XRCC4: variants seen among roughly 807,000 people sequenced by gnomAD.
XRCC4 encodes DNA repair protein XRCC4.
A neutral mutation model predicts 39.1 loss-of-function variants in XRCC4; 28 were observed. That is an observed-to-expected ratio of 0.72 (90% confidence interval 0.53 to 0.98). The LOEUF (loss-of-function observed/expected upper bound fraction) is 0.98. XRCC4 is among the 50% of genes least tolerant of loss of function. XRCC4 has a pLI of 0.00. For missense variants in XRCC4, 350 were observed against 376.4 expected (o/e 0.93, Z 0.58); for synonymous variants, 123 against 126.4 (o/e 0.97, Z 0.18).
chr5:83,247,236 G>T lies in XRCC4; in HGVS notation c.746-11294G>T, dbSNP rs145578257. Reference sequence around the variant, plus strand: ...CAAGGAAATCATAAACACTATTTAGGTAGCCAACCAAGTAAGATGATGATG... The same window carrying T: ...CAAGGAAATCATAAACACTATTTAGTTAGCCAACCAAGTAAGATGATGATG... On this transcript the variant is annotated intron_variant, in intron 6 of 7. Transcript: ENST00000396027. Among the ~76,000 whole-genome samples the T allele has an allele frequency of 3.8e-3, 583 of 152,252 alleles. 1 individual carries two copies. Among genetic ancestry groups the T allele is most frequent in the Middle Eastern group, 0.01 (3 of 292 alleles).
At chr5:83,141,611 G>A (rs1362785928) in intron 3 of XRCC4, among the ~76,000 whole-genome samples, 1 of 149,964 alleles carries the variant, frequency 6.7e-6, no homozygotes, top group Non-Finnish European at 1.5e-5. Context: ...GTCTTTTTTT[G>A]TGTATTGTTT....
chr5:83,153,295 G>A (rs1008702167), intron 3 of XRCC4, among the ~76,000 whole-genome samples: 2 of 150,654 alleles, frequency 1.3e-5, no homozygotes, highest in East Asian at 2.0e-4. Flanking sequence ...TGCAACCTCC[G>A]CCTCCCGAGT....
intron 7 of XRCC4, among the ~76,000 whole-genome samples, chr5:83,290,126 C>G (rs1754867322): frequency 6.6e-6 from 1 of 151,816 alleles, no homozygotes; most frequent in South Asian, 2.1e-4. Flanking sequence ...ATTTGTCTTT[C>G]TCCAGATTTT....
At position 83,161,175 on chromosome 5, in the gene XRCC4, A is replaced by C. The variant is rs1749191401; in HGVS notation, c.316-34595A>C. On this transcript the variant is annotated intron_variant, in intron 3 of 7. Transcript: ENST00000396027. ...GCCTAGGCTGGAGTGCAGTGGTGTGATTTCGGCTCACTGCAACCTCTGCCT... is the reference window on the plus strand; with the variant it reads ...GCCTAGGCTGGAGTGCAGTGGTGTGCTTTCGGCTCACTGCAACCTCTGCCT... 3.4e-5 allele frequency among the ~76,000 whole-genome samples: 5 copies of C among 148,026 alleles called. No homozygotes were observed. The South Asian group carries it at 1.1e-3, about 32-fold the overall frequency.
chr5:83,342,683 G>T (rs1482186003), intron 7 of XRCC4, among the ~76,000 whole-genome samples: 3 of 152,128 alleles, frequency 2.0e-5, no homozygotes, highest in Non-Finnish European at 4.4e-5. Flanking sequence ...TTCAGCACTG[G>T]TTTTACTGAA....
At position 83,147,901 on chromosome 5, in the gene XRCC4, G is replaced by A. The variant is rs1018616001; in HGVS notation, c.315+36698G>A. On this transcript the variant is annotated intron_variant, in intron 3 of 7. Coordinates refer to ENST00000396027, the MANE Select transcript of XRCC4 (RefSeq NM_003401.5). ...TGCCTCCCAGGTTCAAGTGATTCTC[G>A]TGTCTCGGCCTCCTTAGCTGGGATT... Among the ~76,000 whole-genome samples, 20 of 150,922 alleles carry A rather than the reference G, an allele frequency of 1.3e-4. 1 individual carries two copies. In the East Asian group the frequency reaches 2.7e-3, roughly 21 times the overall value.
intron 7 of XRCC4, among the ~76,000 whole-genome samples, chr5:83,314,165 T>C (rs1275287960): frequency 6.6e-6 from 1 of 152,136 alleles, no homozygotes; most frequent in African/African-American, 2.4e-5. Context: ...AGCAAAGTAA[T>C]AACATGTGGT....
At chr5:83,197,172 C>A (rs1465404892) in intron 4 of XRCC4, among the ~76,000 whole-genome samples, 1 of 151,542 alleles carries the variant, frequency 6.6e-6, no homozygotes, top group Non-Finnish European at 1.5e-5. Context: ...TATCAGGAAA[C>A]CATGCAGAAA....
intron 6 of XRCC4, among the ~76,000 whole-genome samples, chr5:83,212,960 A>G (rs1466514860): frequency 2.0e-5 from 3 of 151,586 alleles, no homozygotes; most frequent in Admixed American, 2.0e-4. Flanking sequence ...TAAAAAAAAA[A>G]AACAAAAAGA....
the XRCC4 span, among the ~76,000 whole-genome samples, chr5:83,370,624 G>T: frequency 1.3e-5 from 2 of 151,976 alleles, no homozygotes; most frequent in African/African-American, 4.8e-5. Context: ...TCCTACTTGG[G>T]CTTCTTCAAC....
At chr5:83,172,309 T>C (rs1749765480) in intron 3 of XRCC4, among the ~76,000 whole-genome samples, 1 of 152,184 alleles carries the variant, frequency 6.6e-6, no homozygotes, top group African/African-American at 2.4e-5. Context: ...TTAATATTTA[T>C]AACTTTTCCA....
intron 3 of XRCC4, among the ~76,000 whole-genome samples, chr5:83,136,789 A>G (rs1747918339): frequency 6.6e-6 from 1 of 152,198 alleles, no homozygotes; most frequent in Non-Finnish European, 1.5e-5. Context: ...ATTTTCTTAA[A>G]TAGGCATTTT....
chr5:83,127,610 T>C (rs1394618217), intron 3 of XRCC4, among the ~76,000 whole-genome samples: 2 of 152,066 alleles, frequency 1.3e-5, no homozygotes, highest in Non-Finnish European at 2.9e-5. Context: ...ATCAGCAGTA[T>C]GAAAACGGAC....
intron 6 of XRCC4, among the ~76,000 whole-genome samples, chr5:83,224,040 T>C (rs774096363): frequency 1.6e-4 from 24 of 152,062 alleles, no homozygotes; most frequent in Admixed American, 1.3e-3. Flanking sequence ...TTGGGTTGGT[T>C]CCAAGTCTTT....
chr5:83,304,265 C>T (rs927242591), intron 7 of XRCC4, among the ~76,000 whole-genome samples: 13 of 151,190 alleles, frequency 8.6e-5, no homozygotes, highest in South Asian at 2.1e-4. Flanking sequence ...CTGCAACCTC[C>T]GCTTCCCAGG....
chr5:83,184,214 G>C (rs999495866), intron 3 of XRCC4, among the ~76,000 whole-genome samples: 2 of 151,792 alleles, frequency 1.3e-5, no homozygotes, highest in Non-Finnish European at 2.9e-5. Context: ...TTTCAATTAG[G>C]AATTTTAAAA....
At chr5:83,208,872 G>A (rs576601868) in intron 6 of XRCC4, among the ~76,000 whole-genome samples, 4 of 152,124 alleles carry the variant, frequency 2.6e-5, no homozygotes, top group African/African-American at 9.6e-5. Flanking sequence ...CTTAAGCTAT[G>A]GCTGCATACT....
intron 3 of XRCC4, among the ~76,000 whole-genome samples, chr5:83,113,584 C>T (rs1209726426): frequency 6.6e-6 from 1 of 152,150 alleles, no homozygotes; most frequent in Non-Finnish European, 1.5e-5. Flanking sequence ...GGCCCTGCCC[C>T]TGCAGCAAAC....
chr5:83,302,032 C>G (rs887394504), intron 7 of XRCC4, among the ~76,000 whole-genome samples: 1 of 152,086 alleles, frequency 6.6e-6, no homozygotes, highest in Non-Finnish European at 1.5e-5. Context: ...CCTACTCAAG[C>G]CTCAGTAATG....
Sources: gnomAD v4.1 joint callset for allele counts (sites outside exome capture counted in the v4.1 genomes callset) on GRCh38, gnomAD v4.1.1 for gene constraint, MANE v1.5 for transcripts, NCBI Gene and HGNC (gene_info 2026-07-23, HGNC 2026-07-21) for gene names.